Variants in CEP152 observed in about 807,000 individuals in gnomAD.
CEP152 encodes the protein centrosomal protein of 152 kDa.
In CEP152, 132 loss-of-function variants were observed where a neutral mutation model predicts 188.9. That is an observed-to-expected ratio of 0.70 (90% CI 0.61 to 0.81). The LOEUF (loss-of-function observed/expected upper bound fraction) is 0.81, where lower values mean the gene tolerates loss of function less well. Among genes scored for constraint, CEP152 ranks in the 30% least tolerant of loss-of-function variants. CEP152 has a pLI of 0.00. For synonymous variants in CEP152, 649 were observed against 666.6 expected (o/e 0.97, Z 0.41); for missense variants, 1,914 against 1,969.8 (o/e 0.97, Z 0.54).
Position 48,760,361 on chromosome 15 carries a change from C to A in CEP152, c.2563-95G>T, listed in dbSNP as rs1894591261. ...GCAATTATGATTTCAGTATTTTATA[C>A]TGTATATCACTACATAATAAAGTCA... On this transcript the variant is annotated intron_variant, in intron 18 of 26. Transcript: ENST00000380950. 7 of 1,404,182 alleles carry A rather than the reference C, an allele frequency of 5.0e-6. No homozygotes were observed. The East Asian group carries it at 1.6e-4, about 32-fold the overall frequency. The allele number at this position is 1,404,182 out of a possible 1,614,324, so 87.0% of individuals were successfully genotyped here. A position where few individuals can be genotyped will look rare whatever the true frequency, so the allele number is the denominator to read the frequency against.
At chr15:48,746,258 C>A (rs1421472842) in intron 22 of CEP152, among the ~76,000 whole-genome samples, 2 of 152,014 alleles carry the variant, frequency 1.3e-5, no homozygotes, top group Admixed American at 1.3e-4. Context: ...CAACTTTCTT[C>A]GATTATTTGC....
chr15:48,763,436 G>A (rs1306130810), intron 17 of CEP152, among the ~76,000 whole-genome samples: 1 of 152,216 alleles, frequency 6.6e-6, no homozygotes, highest in African/African-American at 2.4e-5. Flanking sequence ...CACTTTGGGA[G>A]GCTGAGGCAG....
chr15:48,760,138 TTTG>T lies in CEP152; in HGVS notation c.2688_2690del (p.Asn896del), dbSNP rs1894571307. 1.2e-6 allele frequency: 2 copies of T among 1,613,836 alleles called. No individual in the cohort carries two copies. Among genetic ancestry groups the T allele is most frequent in the Non-Finnish European group, 1.7e-6 (2 of 1,179,896 alleles). On this transcript the variant is annotated inframe_deletion, in exon 19 of 27. Coordinates refer to ENST00000380950, the MANE Select transcript of CEP152 (RefSeq NM_001194998.2). Reference sequence around the variant, plus strand: ...GTCTTTGCAGAAGAGCTCTTACCCTTTTGTTCACAGAGACCTCATGCTGTTCTT... The same window carrying T: ...GTCTTTGCAGAAGAGCTCTTACCCTTTTCACAGAGACCTCATGCTGTTCTT...
At chr15:48,757,147 G>C (rs1345578457) in intron 19 of CEP152, among the ~76,000 whole-genome samples, 1 of 150,546 alleles carries the variant, frequency 6.6e-6, no homozygotes, top group Non-Finnish European at 1.5e-5. Context: ...AAAAGTAATA[G>C]CGAAATCAAA....
chr15:48,793,325 T>C lies in CEP152; in HGVS notation c.828A>G (p.Ile276Met). The change falls in exon 7 of 27, where the codon ATA becomes ATG. Residue 276 changes from isoleucine to methionine, a missense_variant. Ile to Met is a conservative substitution (Grantham distance 10). Transcript: ENST00000380950. ...IRYLNHQLVI[I>M]KDEKDGLTLS... ...TGACAGCATCCAGCATCTTACCTTTTATTATTACAAGCTGGTGATTCAGAT... is the reference window on the plus strand; with the variant it reads ...TGACAGCATCCAGCATCTTACCTTTCATTATTACAAGCTGGTGATTCAGAT... 1.2e-6 allele frequency: 2 copies of C among 1,613,918 alleles called. No homozygotes were observed. Among genetic ancestry groups the C allele is most frequent in the South Asian group, 2.2e-5 (2 of 91,082 alleles).
At chr15:48,781,156 G>A in intron 12 of CEP152, 40 bp downstream of exon 12, 1 of 1,563,398 alleles carries the variant, frequency 6.4e-7, no homozygotes, top group African/African-American at 1.4e-5. Context: ...CATTACTAAT[G>A]TTGGTTCTTC....
chr15:48,770,969 T>C (rs977848571), intron 13 of CEP152, among the ~76,000 whole-genome samples: 9 of 151,156 alleles, frequency 6.0e-5, no homozygotes, highest in Non-Finnish European at 1.3e-4. Context: ...AAATAGGAGA[T>C]AAAACAGTAC....
At chr15:48,755,623 C>T (rs1374404352) in intron 20 of CEP152, among the ~76,000 whole-genome samples, 3 of 151,996 alleles carry the variant, frequency 2.0e-5, no homozygotes, top group Admixed American at 6.6e-5. Flanking sequence ...AGGTTTTAGG[C>T]CCCGCATGCA....
intron 19 of CEP152, among the ~76,000 whole-genome samples, 168 bp from the exon 20 acceptor site, chr15:48,756,721 TAA>T (rs1894304074): frequency 2.0e-5 from 3 of 152,126 alleles, no homozygotes; most frequent in Admixed American, 1.3e-4. Context: ...ATACTTACAC[TAA>T]AATTGGTCAA....
rs577249439 is a variant in CEP152 at position 48,788,525 on chromosome 15, A to G, written c.1173+276T>C. On this transcript the variant is annotated intron_variant, in intron 9 of 26. Transcript: ENST00000380950. ...ATTTTTTTTTTTTTTTTGTATTTAT[A>G]GTAGAGACGGGGTTTCACCAAGTTG... is the stretch of plus-strand genomic sequence containing the variant. 2.7e-5 allele frequency among the ~76,000 whole-genome samples: 4 copies of G among 147,556 alleles called. No individual in the cohort carries two copies. The East Asian group carries it at 7.9e-4, about 29-fold the overall frequency.
At chr15:48,744,194 TA>T (rs1294557770) in intron 24 of CEP152, 45 bp downstream of exon 24, 2 of 1,606,118 alleles carry the variant, frequency 1.2e-6, no homozygotes, top group East Asian at 2.3e-5. Context: ...ACAGTGATAA[TA>T]AAAAAGGCCC....
chr15:48,770,442 G>T (rs1042047010), intron 13 of CEP152, among the ~76,000 whole-genome samples: 5 of 152,132 alleles, frequency 3.3e-5, no homozygotes, highest in Non-Finnish European at 7.4e-5. Flanking sequence ...ACAGTACAAT[G>T]CATGACCACT....
At chr15:48,781,097 T>C (rs952571617) in intron 12 of CEP152, 99 bp downstream of exon 12, 1 of 1,034,996 alleles carries the variant, frequency 9.7e-7, no homozygotes, top group Non-Finnish European at 1.5e-6. Flanking sequence ...AGTGTTAACA[T>C]ATGAAAATAA....
intron 9 of CEP152, among the ~76,000 whole-genome samples, chr15:48,787,167 T>TTTTTTTTTTG (rs1213866082): frequency 7.2e-6 from 1 of 139,212 alleles, no homozygotes; most frequent in African/African-American, 2.7e-5. Flanking sequence ...GCCTTCGTTT[T>TTTTTTTTTTG]TTTTTTTTTT....
chr15:48,736,971 A>G (rs1892635679), downstream of CEP152, among the ~76,000 whole-genome samples: 2 of 152,172 alleles, frequency 1.3e-5, no homozygotes. Flanking sequence ...TTGGAGAAGG[A>G]GCATTGTATC....
chr15:48,755,776 A>C, intron 20 of CEP152, 127 bp downstream of exon 20: 1 of 1,527,160 alleles, frequency 6.5e-7, no homozygotes, highest in Non-Finnish European at 8.7e-7. Context: ...AAACTTTTTT[A>C]AACCACTGAC....
chr15:48,767,781 T>G (rs908640732), intron 15 of CEP152, among the ~76,000 whole-genome samples: 1 of 152,142 alleles, frequency 6.6e-6, no homozygotes, highest in Non-Finnish European at 1.5e-5. Flanking sequence ...TAATTGAGGG[T>G]GTGGCTCCAA....
rs781062843 is a variant in CEP152 at position 48,796,091 on chromosome 15, T to G, written c.610A>C (p.Asn204His). 1.2e-6 allele frequency: 2 copies of G among 1,613,954 alleles called. No homozygotes were observed. Among genetic ancestry groups the G allele is most frequent in the South Asian group, 1.1e-5 (1 of 91,072 alleles). The change falls in exon 6 of 27, where the codon AAT (asparagine) becomes CAT (histidine). Residue 204 changes from asparagine (N) to histidine (H), a missense_variant. Physicochemically the swap from Asn to His is moderately conservative, Grantham distance 68. Transcript: ENST00000380950. ...TYKPYQSSAQ[N>H]NGSPAQEITG... ...ATCTCCTGGGCTGGTGAGCCATTATTCTGGGCAGAAGACTGATAAGGTTTA... is the reference window on the plus strand; with the variant it reads ...ATCTCCTGGGCTGGTGAGCCATTATGCTGGGCAGAAGACTGATAAGGTTTA...
intron 13 of CEP152, among the ~76,000 whole-genome samples, chr15:48,770,685 G>C (rs1486739774): frequency 6.6e-6 from 1 of 152,150 alleles, no homozygotes; most frequent in East Asian, 1.9e-4. Flanking sequence ...GAAATGTAGG[G>C]CAACAATGAA....
Sources: gnomAD v4.1 joint callset for allele counts (sites outside exome capture counted in the v4.1 genomes callset) on GRCh38, gnomAD v4.1.1 for gene constraint, MANE v1.5 for transcripts, NCBI Gene and HGNC (gene_info 2026-07-23, HGNC 2026-07-21) for gene names.